Variants in GLDC observed in about 807,000 individuals in gnomAD.
The protein encoded by GLDC is glycine decarboxylase, also known as glycine dehydrogenase (decarboxylating), mitochondrial.
A neutral mutation model predicts 121.3 loss-of-function variants in GLDC; 104 were observed. The ratio of observed to expected loss-of-function variants is 0.86; its 90% CI spans 0.73 to 1.01. The LOEUF (loss-of-function observed/expected upper bound fraction) is 1.01, where lower values mean the gene tolerates loss of function less well. Among genes scored for constraint, GLDC ranks in the 50% least tolerant of loss-of-function variants. The pLI is 0.00. For missense variants in GLDC, 1,429 were observed against 1,306.6 expected (o/e 1.09, Z -1.44); for synonymous variants, 546 against 480.6 (o/e 1.14, Z -1.78).
At chr9:6,574,478 CAAAG>C (rs745857599) in intron 15 of GLDC, among the ~76,000 whole-genome samples, 2 of 148,532 alleles carry the variant, frequency 1.3e-5, no homozygotes, top group African/African-American at 2.5e-5. Flanking sequence ...AAAAAAAAAA[CAAAG>C]AAAAGAAAAA....
intron 15 of GLDC, among the ~76,000 whole-genome samples, chr9:6,573,429 C>G (rs1236699846): frequency 2.0e-5 from 3 of 151,990 alleles, no homozygotes; most frequent in Non-Finnish European, 4.4e-5. Flanking sequence ...CCACTGTACT[C>G]CAGCCTGGGC....
chr9:6,554,627 C>A, intron 19 of GLDC, 42 bp downstream of exon 19: 1 of 1,359,906 alleles, frequency 7.4e-7, no homozygotes, highest in Non-Finnish European at 1.0e-6. Flanking sequence ...CTCCTTCATT[C>A]TGTCTCCAAA....
At chr9:6,544,671 T>C (rs1275836093) in intron 21 of GLDC, among the ~76,000 whole-genome samples, 1 of 147,738 alleles carries the variant, frequency 6.8e-6, no homozygotes, top group Non-Finnish European at 1.5e-5. Context: ...GATAGGCATA[T>C]AAGAAATTAA....
At chr9:6,641,934 G>C (rs750698532) in intron 2 of GLDC, among the ~76,000 whole-genome samples, 1 of 152,132 alleles carries the variant, frequency 6.6e-6, no homozygotes, top group Admixed American at 6.6e-5. Flanking sequence ...TTGAGTAATG[G>C]TGCTCCACTA....
At chr9:6,536,411 A>G (rs576346137) in intron 22 of GLDC, among the ~76,000 whole-genome samples, 175 bp from the exon 23 acceptor site, 1 of 152,206 alleles carries the variant, frequency 6.6e-6, no homozygotes, top group East Asian at 1.9e-4. Flanking sequence ...AATTTAGGAA[A>G]CAACCTAATA....
intron 16 of GLDC, among the ~76,000 whole-genome samples, chr9:6,563,704 C>A (rs1208202499): frequency 6.6e-6 from 1 of 152,224 alleles, no homozygotes; most frequent in Non-Finnish European, 1.5e-5. Flanking sequence ...CACGAATGAA[C>A]AAACTGTGGG....
chr9:6,645,134 C>CG (rs1414060082), intron 1 of GLDC, 111 bp downstream of exon 1: 3 of 1,126,598 alleles, frequency 2.7e-6, no homozygotes, highest in Non-Finnish European at 3.7e-6. Context: ...ACCCAGGGTG[C>CG]GGGGACCACG....
At chr9:6,576,408 A>G (rs1818065562) in intron 15 of GLDC, among the ~76,000 whole-genome samples, 1 of 152,092 alleles carries the variant, frequency 6.6e-6, no homozygotes, top group Non-Finnish European at 1.5e-5. Flanking sequence ...TGACCTAATT[A>G]CCTGCCAAAG....
intron 20 of GLDC, among the ~76,000 whole-genome samples, 154 bp downstream of exon 20, chr9:6,553,214 T>C (rs1817551606): frequency 1.3e-5 from 2 of 152,142 alleles, no homozygotes; most frequent in Admixed American, 1.3e-4. Flanking sequence ...TTCAGGAAGG[T>C]TTCTTCCACC....
At chr9:6,602,064 G>C in intron 8 of GLDC, 45 bp downstream of exon 8, 2 of 1,100,894 alleles carry the variant, frequency 1.8e-6, no homozygotes, top group South Asian at 1.2e-5. Context: ...GCTCATTTCT[G>C]TGTATCGTAA....
intron 3 of GLDC, among the ~76,000 whole-genome samples, chr9:6,619,183 G>C (rs1240671481): frequency 7.4e-6 from 1 of 135,140 alleles, no homozygotes; most frequent in Non-Finnish European, 1.6e-5. Context: ...AAAAGAAGAA[G>C]TAGGAGTGAC....
In GLDC at chr9:6,605,113, C is replaced by G; in HGVS notation, c.861+18G>C. 6.2e-7 allele frequency: 1 copy of G among 1,610,924 alleles called. No homozygotes were observed. Among genetic ancestry groups the G allele is most frequent in the African/African-American group, 1.3e-5 (1 of 74,946 alleles). On this transcript the variant is annotated intron_variant, in intron 6 of 24. Coordinates refer to ENST00000321612, the MANE Select transcript of GLDC (RefSeq NM_000170.3). ...GGGATACGCCTCCACGGACCCCCCA[C>G]AAGAAAGGTATACCTACCCCACTCT...
intron 8 of GLDC, among the ~76,000 whole-genome samples, chr9:6,596,792 G>A (rs1307158024): frequency 6.6e-6 from 1 of 152,150 alleles, no homozygotes; most frequent in Admixed American, 6.6e-5. Flanking sequence ...GCTGCTGGTA[G>A]GAAAGTAAAA....
chr9:6,546,792 T>C lies in GLDC; in HGVS notation c.2569+4011A>G, dbSNP rs369945478. Reference sequence around the variant, plus strand: ...GCCCGGGCAACAGGATGAAACCCTGTCTCTACTAAAAATACAAAAATCAGC... The same window carrying C: ...GCCCGGGCAACAGGATGAAACCCTGCCTCTACTAAAAATACAAAAATCAGC... On this transcript the variant is annotated intron_variant, in intron 21 of 24. Coordinates refer to ENST00000321612, the MANE Select transcript of GLDC (RefSeq NM_000170.3). Among the ~76,000 whole-genome samples, 13 of 151,702 alleles carry C rather than the reference T, an allele frequency of 8.6e-5. No homozygotes were observed. The East Asian group carries it at 2.2e-3, about 25-fold the overall frequency.
intron 15 of GLDC, among the ~76,000 whole-genome samples, chr9:6,577,076 A>C (rs1328667390): frequency 6.6e-6 from 1 of 152,230 alleles, no homozygotes; most frequent in Non-Finnish European, 1.5e-5. Context: ...CAGAAAGAAC[A>C]AAAGCCTTCT....
intron 15 of GLDC, among the ~76,000 whole-genome samples, chr9:6,580,093 G>A (rs1413932833): frequency 1.3e-5 from 2 of 152,180 alleles, no homozygotes; most frequent in Non-Finnish European, 2.9e-5. Flanking sequence ...GCACCCTGAA[G>A]GCCAGAGAGA....
rs769003941 is a variant in GLDC at position 6,644,666 on chromosome 9, C to T, written c.282G>A (p.Thr94=). 2 of 1,613,158 alleles carry T rather than the reference C, an allele frequency of 1.2e-6. No individual in the cohort carries two copies. The highest frequency in any genetic ancestry group is 1.3e-5 in the African/African-American group (1 of 74,892). ...LASIDELIEK[T]VPANIRLKRP... is the part of the protein sequence containing the mutation. The stretch of plus-strand genomic sequence containing the variant: ...TTTTCAAACGGATGTTGGCAGGGAC[C>T]GTCTTCTCGATCAATTCATCAATGC... The change falls in exon 2 of 25, where the codon ACG becomes ACA. Residue 94 remains threonine, a synonymous_variant. Coordinates refer to ENST00000321612, the MANE Select transcript of GLDC (RefSeq NM_000170.3).
Position 6,534,760 on chromosome 9 carries a change from G to A in GLDC, c.2867C>T (p.Thr956Ile), listed in dbSNP as rs1439114717. 1 of 1,606,268 alleles carries A rather than the reference G, an allele frequency of 6.2e-7. No individual in the cohort carries two copies. The highest frequency in any genetic ancestry group is 1.1e-5 in the South Asian group (1 of 90,888). ...ATAAGGCCGGTCCCAGTGGGAAGAT[G>A]TAACGCAGGTCAGGGAGTGTGGAGA... ...KMSPHSLTCV[T>I]SSHWDRPYSR... The change falls in exon 24 of 25, where the codon ACA becomes ATA. Residue 956 changes from threonine (T) to isoleucine (I), a missense_variant. Coordinates refer to ENST00000321612, the MANE Select transcript of GLDC (RefSeq NM_000170.3).
Position 6,584,433 on chromosome 9 carries a change from T to C in GLDC, c.1850+2708A>G, listed in dbSNP as rs538042920. ...CTAGCCAGCAGTAAATCATGACAAA[T>C]TAGCCAATATGTAAGCCCTGTTGTA... On this transcript the variant is annotated intron_variant, in intron 15 of 24. Coordinates refer to ENST00000321612, the MANE Select transcript of GLDC (RefSeq NM_000170.3). Among the ~76,000 whole-genome samples the C allele has an allele frequency of 3.9e-5, 6 of 152,282 alleles. No individual in the cohort carries two copies. In the South Asian group the frequency reaches 1.2e-3, roughly 32 times the overall value.
Sources: gnomAD v4.1 joint callset for allele counts (sites outside exome capture counted in the v4.1 genomes callset) on GRCh38, gnomAD v4.1.1 for gene constraint, MANE v1.5 for transcripts, NCBI Gene and HGNC (gene_info 2026-07-23, HGNC 2026-07-21) for gene names.